The following PCDHA4 variants were observed in gnomAD, a reference collection of about 807,000 sequenced individuals.
PCDHA4 encodes protocadherin alpha-4.
In PCDHA4, 49 loss-of-function variants were observed where a neutral mutation model predicts 61.4. The ratio of observed to expected loss-of-function variants is 0.80; its 90% CI spans 0.63 to 1.01. The LOEUF is 1.01. Ranked by LOEUF, PCDHA4 falls within the 50% of genes least tolerant of loss-of-function variation. PCDHA4 has a pLI of 0.00. For missense variants in PCDHA4, 1,254 were observed against 1,235.8 expected (o/e 1.01, Z -0.22); for synonymous variants, 590 against 550.3 (o/e 1.07, Z -1.01).
In PCDHA4 at chr5:140,849,626, A is replaced by C. The variant is rs141672026; in HGVS notation, c.2385+40054A>C. ...TTGCCCTGATTAGTGTGATCGACCT[A>C]GACGCAGATGCCAACGGGCAGGTTA... On this transcript the variant is annotated intron_variant, in intron 1 of 3. Transcript: ENST00000530339. 6.8e-4 allele frequency: 1,095 copies of C among 1,598,786 alleles called. 108 individuals carry two copies. The highest frequency in any genetic ancestry group is 1.2e-3 in the South Asian group (106 of 90,568).
At chr5:140,942,619 TAA>T (rs35075175) in intron 1 of PCDHA4, among the ~76,000 whole-genome samples, 10 of 148,966 alleles carry the variant, frequency 6.7e-5, no homozygotes, top group Middle Eastern at 3.4e-3. Context: ...TTGCCAATTG[TAA>T]AAAAAAAAAT....
intron 1 of PCDHA4, among the ~76,000 whole-genome samples, chr5:140,846,000 GA>G (rs1346490644): frequency 1.3e-5 from 2 of 149,558 alleles, no homozygotes; most frequent in African/African-American, 2.4e-5. Context: ...GTGGTGGAAT[GA>G]AAAAAATCTA....
chr5:140,877,155 C>A, intron 1 of PCDHA4: 1 of 1,613,798 alleles, frequency 6.2e-7, no homozygotes, highest in Non-Finnish European at 8.5e-7. Context: ...AGAACGACAA[C>A]GCGCCGGCAC....
chr5:140,830,308 G>A, intron 1 of PCDHA4: 1 of 1,613,990 alleles, frequency 6.2e-7, no homozygotes, highest in Non-Finnish European at 8.5e-7. Flanking sequence ...AGCCCACGCT[G>A]GTGTGCTCCA....
intron 1 of PCDHA4, chr5:140,836,222 G>T: frequency 8.1e-6 from 13 of 1,613,794 alleles, no homozygotes; most frequent in Non-Finnish European, 1.1e-5. Context: ...AGTTGCAACC[G>T]GTGGCGGCCG....
intron 1 of PCDHA4, chr5:140,853,424 G>A (rs112620213): frequency 1.0e-6 from 1 of 985,928 alleles, no homozygotes; most frequent in African/African-American, 1.8e-5. Context: ...AAGCAGAAGA[G>A]ACACTTTCCT....
At chr5:140,873,002 T>G (rs1454301001) in intron 1 of PCDHA4, among the ~76,000 whole-genome samples, 1 of 152,218 alleles carries the variant, frequency 6.6e-6, no homozygotes, top group East Asian at 1.9e-4. Flanking sequence ...TTCTGAGTCA[T>G]TCTTCATATT....
At chr5:140,986,141 G>C (rs1473474920) in intron 3 of PCDHA4, among the ~76,000 whole-genome samples, 2 of 152,138 alleles carry the variant, frequency 1.3e-5, no homozygotes, top group African/African-American at 2.4e-5. Context: ...ATCAACAAGG[G>C]CATCACCAAG....
intron 1 of PCDHA4, chr5:140,829,105 G>C: frequency 6.2e-7 from 1 of 1,611,878 alleles, no homozygotes; most frequent in Non-Finnish European, 8.5e-7. Context: ...CCGTTTTAGT[G>C]AGAATTTTGG....
intron 1 of PCDHA4, among the ~76,000 whole-genome samples, chr5:140,920,334 T>A (rs2079581280): frequency 6.6e-6 from 1 of 152,212 alleles, no homozygotes; most frequent in South Asian, 2.1e-4. Context: ...TTATGGCATT[T>A]CTTATTTGTC....
At position 140,829,585 on chromosome 5, in the gene PCDHA4, G is replaced by A. The variant is rs2150170592; in HGVS notation, c.2385+20013G>A. On this transcript the variant is annotated intron_variant, in intron 1 of 3. Transcript: ENST00000530339. ...TGTCCTACTCGCTGGTGGAGCGGCG[G>A]GTGGGCGAGCGCGCGTTGTCGAGCT... 3.9e-3 allele frequency: 6,235 copies of A among 1,612,244 alleles called. 24 individuals are homozygous for A. The highest frequency in any genetic ancestry group is 4.7e-3 in the Non-Finnish European group (5,594 of 1,179,798).
intron 1 of PCDHA4, among the ~76,000 whole-genome samples, chr5:140,972,289 G>A (rs548610825): frequency 1.5e-3 from 229 of 151,134 alleles, no homozygotes; most frequent in Non-Finnish European, 2.1e-3. Flanking sequence ...ATAGATGTGC[G>A]CCACCGTGTC....
chr5:140,954,184 T>C (rs2094994216), intron 1 of PCDHA4, among the ~76,000 whole-genome samples: 1 of 152,236 alleles, frequency 6.6e-6, no homozygotes, highest in Non-Finnish European at 1.5e-5. Flanking sequence ...CAGTCTATCA[T>C]TGATGGGCAT....
At chr5:140,943,516 A>T (rs1202948180) in intron 1 of PCDHA4, among the ~76,000 whole-genome samples, 1 of 152,176 alleles carries the variant, frequency 6.6e-6, no homozygotes, top group Admixed American at 6.5e-5. Context: ...GGAAATGTTG[A>T]GTTCAGTATG....
chr5:140,943,888 T>A (rs567966075), intron 1 of PCDHA4, among the ~76,000 whole-genome samples: 1 of 152,330 alleles, frequency 6.6e-6, no homozygotes, highest in South Asian at 2.1e-4. Context: ...ATTGGACTGG[T>A]CATTATGATG....
chr5:140,875,261 G>A lies in PCDHA4; in HGVS notation c.2385+65689G>A. ...CTTACATAATCAGTCACATGATGTC[G>A]CTCTACACTCAGAAGGTGAAACAGG... On this transcript the variant is annotated intron_variant, in intron 1 of 3. Transcript: ENST00000530339. 4.4e-6 allele frequency: 5 copies of A among 1,130,464 alleles called. No individual in the cohort carries two copies. In the South Asian group the frequency reaches 7.4e-5, roughly 17 times the overall value. 70.0% of individuals were successfully genotyped at this position (1,130,464 alleles called of 1,614,324 possible).
chr5:140,822,057 G>A (rs1554128419), intron 1 of PCDHA4: 1 of 1,614,224 alleles, frequency 6.2e-7, no homozygotes, highest in South Asian at 1.1e-5. Flanking sequence ...GGGAGGAGCT[G>A]TGCCGGCGGA....
At chr5:140,969,109 T>C (rs782731369) in intron 1 of PCDHA4, 10 of 1,614,126 alleles carry the variant, frequency 6.2e-6, no homozygotes, top group Non-Finnish European at 8.5e-6. Flanking sequence ...TCATTGAAGT[T>C]CGAGGGAATG....
intron 1 of PCDHA4, chr5:140,869,639 C>T: frequency 6.2e-7 from 1 of 1,613,534 alleles, no homozygotes; most frequent in Non-Finnish European, 8.5e-7. Context: ...GAGTATTTTT[C>T]TTTAGATTCA....
Sources: gnomAD v4.1 joint callset for allele counts (sites outside exome capture counted in the v4.1 genomes callset) on GRCh38, gnomAD v4.1.1 for gene constraint, MANE v1.5 for transcripts, NCBI Gene and HGNC (gene_info 2026-07-23, HGNC 2026-07-21) for gene names.